Variants in CYB5B observed in about 807,000 individuals in gnomAD.
CYB5B encodes the protein cytochrome b5 type B (outer mitochondrial membrane).
Under a neutral mutation model 21.3 loss-of-function variants are expected in CYB5B, and 14 were observed. The observed-to-expected ratio is 0.66, with a 90% CI of 0.43 to 1.03. The LOEUF (loss-of-function observed/expected upper bound fraction) is 1.03, where lower values mean the gene tolerates loss of function less well. Ranked by LOEUF, CYB5B falls within the 50% of genes least tolerant of loss-of-function variation. The pLI, the probability that CYB5B is intolerant of heterozygous loss-of-function variation, is 0.00. For missense variants in CYB5B, 166 were observed against 185.1 expected (o/e 0.90, Z 0.60); for synonymous variants, 69 against 68.4 (o/e 1.01, Z -0.04).
At chr16:69,450,683 AT>A (rs1376334608) in intron 3 of CYB5B, among the ~76,000 whole-genome samples, 1 of 152,228 alleles carries the variant, frequency 6.6e-6, no homozygotes, top group Non-Finnish European at 1.5e-5. Context: ...TGGTTTAAAC[AT>A]TCACCATTAA....
At chr16:69,446,057 T>C (rs1275698144) in intron 1 of CYB5B, among the ~76,000 whole-genome samples, 1 of 152,224 alleles carries the variant, frequency 6.6e-6, no homozygotes, top group African/African-American at 2.4e-5. Context: ...AGAGATTTTA[T>C]GCATGGGTAT....
At chr16:69,427,678 C>G (rs1193830294) in intron 1 of CYB5B, among the ~76,000 whole-genome samples, 1 of 152,050 alleles carries the variant, frequency 6.6e-6, no homozygotes, top group South Asian at 2.1e-4. Context: ...CGACGCCTGG[C>G]TAATTTTTAA....
chr16:69,447,041 G>T, intron 1 of CYB5B, 109 bp from the exon 2 acceptor site: 1 of 1,305,336 alleles, frequency 7.7e-7, no homozygotes, highest in Non-Finnish European at 1.1e-6. Flanking sequence ...ATGTCAATTT[G>T]TTCCATTATT....
chr16:69,446,416 C>T (rs2014878889), intron 1 of CYB5B, among the ~76,000 whole-genome samples: 1 of 152,174 alleles, frequency 6.6e-6, no homozygotes, highest in Admixed American at 6.5e-5. Flanking sequence ...CTCCCCCTCA[C>T]AGGTTTAAGT....
At chr16:69,455,588 A>T (rs111529092) in intron 3 of CYB5B, among the ~76,000 whole-genome samples, 9,573 of 151,406 alleles carry the variant, frequency 0.063, 988 homozygotes, top group African/African-American at 0.22. Flanking sequence ...TTGTATTTTT[A>T]GTAGAGATGG....
chr16:69,462,572 G>C lies in CYB5B; in HGVS notation c.*52G>C, dbSNP rs374964865. On this transcript the variant is annotated 3_prime_UTR_variant, in exon 5 of 5. Coordinates refer to ENST00000307892, the MANE Select transcript of CYB5B (RefSeq NM_030579.3). ...CATCCACTTTGGGGCGAAAACTAGA[G>C]ACTTGCTTGGGGGCTGCAGAAGTGC... is the stretch of plus-strand genomic sequence containing the variant. 30 of 1,479,010 alleles carry C rather than the reference G, an allele frequency of 2.0e-5. No individual in the cohort carries two copies. In the African/African-American group the frequency reaches 3.5e-4, roughly 17 times the overall value. The allele number at this position is 1,479,010 out of a possible 1,614,324, so 91.6% of individuals were successfully genotyped here.
chr16:69,445,378 G>A (rs1467700285), intron 1 of CYB5B, among the ~76,000 whole-genome samples: 1 of 152,162 alleles, frequency 6.6e-6, no homozygotes, highest in Non-Finnish European at 1.5e-5. Flanking sequence ...TATCCTCAGG[G>A]AGCTCATAGG....
chr16:69,444,179 G>A (rs59938983), intron 1 of CYB5B: 9,557 of 161,186 alleles, frequency 0.059, 979 homozygotes, highest in African/African-American at 0.22. Context: ...GCTTCTTGTC[G>A]CTCTGTACCA....
chr16:69,433,747 A>G (rs956378274), intron 1 of CYB5B, among the ~76,000 whole-genome samples: 3 of 152,232 alleles, frequency 2.0e-5, no homozygotes, highest in African/African-American at 7.2e-5. Flanking sequence ...TATAATCACC[A>G]TCACAATCAA....
At chr16:69,449,893 A>G (rs948625453) in intron 3 of CYB5B, 2 of 152,140 alleles carry the variant, frequency 1.3e-5, no homozygotes. Flanking sequence ...CTATAGGCCA[A>G]AGGATTAGAG....
intron 1 of CYB5B, among the ~76,000 whole-genome samples, chr16:69,446,588 T>C (rs1341152910): frequency 1.3e-5 from 2 of 152,208 alleles, no homozygotes; most frequent in Non-Finnish European, 2.9e-5. Flanking sequence ...CCTCCCAAAG[T>C]GCTGGGATTA....
At chr16:69,429,434 T>C (rs2014683033) in intron 1 of CYB5B, among the ~76,000 whole-genome samples, 1 of 152,164 alleles carries the variant, frequency 6.6e-6, no homozygotes, top group Non-Finnish European at 1.5e-5. Context: ...TACAATCCTT[T>C]AGCTAGACAC....
At chr16:69,459,394 G>A (rs1171947440) in intron 4 of CYB5B, 4 of 362,898 alleles carry the variant, frequency 1.1e-5, no homozygotes, top group Non-Finnish European at 2.0e-5. Flanking sequence ...AAGAGGCCAG[G>A]ATGCATGGAC....
intron 1 of CYB5B, among the ~76,000 whole-genome samples, chr16:69,439,216 C>T (rs2014794548): frequency 6.6e-6 from 1 of 152,102 alleles, no homozygotes; most frequent in South Asian, 2.1e-4. Flanking sequence ...GTTGAAAAGA[C>T]TGTTCTTTCC....
At chr16:69,440,144 G>T (rs895381432) in intron 1 of CYB5B, among the ~76,000 whole-genome samples, 3 of 152,072 alleles carry the variant, frequency 2.0e-5, no homozygotes, top group African/African-American at 7.3e-5. Context: ...CAAAGTCCTG[G>T]GATTATAGGC....
chr16:69,459,351 CT>C, intron 4 of CYB5B: 1 of 472,316 alleles, frequency 2.1e-6, no homozygotes, highest in Non-Finnish European at 3.7e-6. Context: ...ATTTTTTAAT[CT>C]TATTGTGACA....
intron 1 of CYB5B, among the ~76,000 whole-genome samples, chr16:69,427,920 C>G (rs569071717): frequency 6.7e-6 from 1 of 149,900 alleles, no homozygotes; most frequent in Non-Finnish European, 1.5e-5. Flanking sequence ...CGCTTGAACC[C>G]GGGAGGTGGA....
chr16:69,433,438 A>C (rs1025142905), intron 1 of CYB5B, among the ~76,000 whole-genome samples: 5 of 152,178 alleles, frequency 3.3e-5, no homozygotes, highest in Admixed American at 3.3e-4. Flanking sequence ...TTTTTTACAC[A>C]AAAGATAACA....
chr16:69,440,745 CGTGTGT>C (rs56008000), intron 1 of CYB5B, among the ~76,000 whole-genome samples: 10 of 146,416 alleles, frequency 6.8e-5, no homozygotes, highest in East Asian at 3.9e-4. Flanking sequence ...GTGTGTGTTG[CGTGTGT>C]GTGTGTGTGT....
Sources: allele counts gnomAD v4.1 joint callset (sites outside exome capture counted in the v4.1 genomes callset), GRCh38; gene constraint gnomAD v4.1.1; transcripts MANE v1.5; gene names NCBI Gene and HGNC (gene_info 2026-07-23, HGNC 2026-07-21).